ATG12: variants seen among roughly 807,000 people sequenced by gnomAD.
ATG12 encodes the protein autophagy related 12, also known as ubiquitin-like protein ATG12.
ATG12 carries 19 observed loss-of-function variants against 17.6 expected under a neutral mutation model. The observed-to-expected ratio is 1.08, with a 90% CI of 0.75 to 1.58. The LOEUF is 1.58. ATG12 is among the 40% of genes most tolerant of loss of function. The probability of loss-of-function intolerance (pLI) is 0.00; values close to 1 mark genes in which losing one functional copy is unlikely to be tolerated. For synonymous variants in ATG12, 75 were observed against 62.4 expected, an observed-to-expected ratio of 1.20 and a Z score of -0.95; for missense variants, 214 against 162.0, an observed-to-expected ratio of 1.32 and a Z score of -1.74.
chr5:115,839,516 A>G (rs1284715529), intron 1 of ATG12: 1 of 152,248 alleles, frequency 6.6e-6, no homozygotes, highest in Non-Finnish European at 1.5e-5. Flanking sequence ...GAAGCAGGAA[A>G]TATCATGAGT....
chr5:115,839,873 A>G (rs1420345196), intron 1 of ATG12, among the ~76,000 whole-genome samples: 1 of 152,262 alleles, frequency 6.6e-6, no homozygotes, highest in Non-Finnish European at 1.5e-5. Context: ...CTCAAATGCT[A>G]ACAAGAGCCA....
rs544494753 is a variant in ATG12 at position 115,830,153 on chromosome 5, C to T, written c.*1651G>A. 1 of 149,116 alleles carries T rather than the reference C, an allele frequency of 6.7e-6. No individual in the cohort carries two copies. The highest frequency in any genetic ancestry group is 1.5e-5 in the Non-Finnish European group (1 of 67,538). The allele number at this position is 149,116 out of a possible 1,614,324, so 9.2% of individuals were successfully genotyped here. On this transcript the variant is annotated 3_prime_UTR_variant, in exon 4 of 4. Coordinates refer to ENST00000509910, the MANE Select transcript of ATG12 (RefSeq NM_004707.4). ...AAAAAAAAAAAAAAAAGTGCAAAGT[C>T]CTATGTATTCTTCAGAGTTGTTAGG...
chr5:115,836,792 A>C (rs995376011), intron 2 of ATG12, among the ~76,000 whole-genome samples: 34 of 152,230 alleles, frequency 2.2e-4, no homozygotes, highest in Non-Finnish European at 1.9e-4. Flanking sequence ...ATGTATATAT[A>C]AAAAACACTT....
At position 115,841,495 on chromosome 5, in the gene ATG12, C is replaced by T. The variant is rs765666385; in HGVS notation, c.58G>A (p.Glu20Lys). The change falls in exon 1 of 4, where the codon GAA (glutamate) becomes AAA (lysine). Residue 20 changes from glutamate (E) to lysine (K), a missense_variant. Glu to Lys is a moderately conservative substitution (Grantham distance 56). Transcript: ENST00000509910. ...QLPTSIAAGGEGLTDVSPETT... is the reference protein window; with the variant it reads ...QLPTSIAAGGKGLTDVSPETT... ...TCTGGGGAGACATCCGTAAGTCCTT[C>T]CCCTCCAGCAGCAATTGAAGTAGGA... The T allele has an allele frequency of 8.7e-6, 14 of 1,612,010 alleles. No individual in the cohort carries two copies. The highest frequency in any genetic ancestry group is 1.2e-5 in the Non-Finnish European group (14 of 1,179,424).
chr5:115,832,717 G>C (rs957468423), intron 2 of ATG12, 53 bp from the exon 3 acceptor site: 1 of 1,404,720 alleles, frequency 7.1e-7, no homozygotes, highest in Non-Finnish European at 9.4e-7. Flanking sequence ...TGATTAATCT[G>C]CATTTTTCTG....
intron 1 of ATG12, chr5:115,840,672 C>T: frequency 8.2e-7 from 1 of 1,213,688 alleles, no homozygotes; most frequent in Middle Eastern, 2.3e-4. Context: ...ATCGAGGATG[C>T]TTATATGCTG....
rs772092123 is a variant in ATG12, at chr5:115,837,784, T to C, written c.164-20A>G. 4.4e-6 allele frequency: 7 copies of C among 1,577,266 alleles called. No individual in the cohort carries two copies. In the East Asian group the frequency reaches 6.8e-5, roughly 15 times the overall value. The stretch of plus-strand genomic sequence containing the variant: ...TGTCAACTGTAAAAGAAGAATAAAA[T>C]TTACTGACAATTACACTGAAACATC... On this transcript the variant is annotated intron_variant, in intron 1 of 3. Transcript: ENST00000509910.
intron 2 of ATG12, chr5:115,834,442 G>C (rs1338756149): frequency 1.3e-5 from 2 of 152,164 alleles, no homozygotes; most frequent in African/African-American, 4.8e-5. Flanking sequence ...GTTACTCCAG[G>C]TTTGTGAAAG....
At position 115,831,436 on chromosome 5, in the gene ATG12, C is replaced by A. The variant is rs1760865543; in HGVS notation, c.*368G>T. 4.4e-6 allele frequency: 1 copy of A among 227,234 alleles called. No homozygotes were observed. Among genetic ancestry groups the A allele is most frequent in the South Asian group, 7.8e-5 (1 of 12,878 alleles). 14.1% of individuals were successfully genotyped at this position (227,234 alleles called of 1,614,324 possible). A position where few individuals can be genotyped will look rare whatever the true frequency, so the allele number is the denominator to read the frequency against. The stretch of plus-strand genomic sequence containing the variant: ...AATGTAAACATTAAAAAAAAAGGAA[C>A]CCTTTAGTATATTAACTTTTACCAT... On this transcript the variant is annotated 3_prime_UTR_variant, in exon 4 of 4. Coordinates refer to ENST00000509910, the MANE Select transcript of ATG12 (RefSeq NM_004707.4).
Position 115,830,223 on chromosome 5 carries a change from T to C in ATG12, c.*1581A>G, listed in dbSNP as rs868782601. ...AGCTACATATTTAGCTAACCTTAGA[T>C]TTAATAAACTATTAAGTTATTTAGG... On this transcript the variant is annotated 3_prime_UTR_variant, in exon 4 of 4. Transcript: ENST00000509910. 41 of 152,062 alleles carry C rather than the reference T, an allele frequency of 2.7e-4. No homozygotes were observed. The highest frequency in any genetic ancestry group is 9.4e-4 in the African/African-American group (39 of 41,474). The allele number at this position is 152,062 out of a possible 1,614,324, so 9.4% of individuals were successfully genotyped here.
In ATG12 at chr5:115,831,647, C is replaced by A; in HGVS notation, c.*157G>T. The A allele has an allele frequency of 1.4e-6, 1 of 702,418 alleles. No individual in the cohort carries two copies. Among genetic ancestry groups the A allele is most frequent in the Non-Finnish European group, 2.5e-6 (1 of 406,868 alleles). 43.5% of individuals were successfully genotyped at this position (702,418 alleles called of 1,614,324 possible). On this transcript the variant is annotated 3_prime_UTR_variant, in exon 4 of 4. Transcript: ENST00000509910. ...CAAATCACATTTTTCTGAGTCCATTCATGCTATGGATGTTTTCTTATGCAT... is the reference window on the plus strand; with the variant it reads ...CAAATCACATTTTTCTGAGTCCATTAATGCTATGGATGTTTTCTTATGCAT...
At position 115,828,520 on chromosome 5, in the gene ATG12, G is replaced by C. The variant is rs182210498; in HGVS notation, c.*3284C>G. The C allele has an allele frequency of 6.6e-6, 1 of 152,052 alleles. No homozygotes were observed. Among genetic ancestry groups the C allele is most frequent in the Non-Finnish European group, 1.5e-5 (1 of 67,984 alleles). 9.4% of individuals were successfully genotyped at this position (152,052 alleles called of 1,614,324 possible). ...TTGTTGGCCATTTGTATCTTTTTGT[G>C]AATCGAAATTTGGTATGTTTTGCCT... On this transcript the variant is annotated 3_prime_UTR_variant, in exon 4 of 4. Coordinates refer to ENST00000509910, the MANE Select transcript of ATG12 (RefSeq NM_004707.4).
chr5:115,838,336 C>T (rs910494265), intron 1 of ATG12: 1 of 152,104 alleles, frequency 6.6e-6, no homozygotes, highest in African/African-American at 2.4e-5. Context: ...ACCTAAATAC[C>T]CAAAAAGGAT....
intron 2 of ATG12, chr5:115,834,251 T>C (rs1478291610): frequency 1.3e-5 from 2 of 152,196 alleles, no homozygotes; most frequent in Non-Finnish European, 2.9e-5. Context: ...AGGCATTCAA[T>C]GTGATTTTGT....
intron 1 of ATG12, chr5:115,840,966 A>T (rs1305205199): frequency 9.4e-7 from 1 of 1,065,150 alleles, no homozygotes; most frequent in Non-Finnish European, 1.3e-6. Flanking sequence ...AAGCGAGTTA[A>T]GTTGGAAGGC....
At chr5:115,833,999 G>A (rs570278553) in intron 2 of ATG12, 2 of 152,172 alleles carry the variant, frequency 1.3e-5, no homozygotes, top group Non-Finnish European at 2.9e-5. Flanking sequence ...GAGAGGCAGA[G>A]ACACACATGA....
At chr5:115,841,059 C>A in intron 1 of ATG12, 1 of 446,254 alleles carries the variant, frequency 2.2e-6, no homozygotes, top group Non-Finnish European at 4.0e-6. Flanking sequence ...GTGTTAAGTA[C>A]CTGGAATTAC....
Position 115,831,588 on chromosome 5 carries a change from A to C in ATG12, c.*216T>G, listed in dbSNP as rs746796327. 25 of 604,742 alleles carry C rather than the reference A, an allele frequency of 4.1e-5. No homozygotes were observed. Among genetic ancestry groups the C allele is most frequent in the Non-Finnish European group, 7.3e-5 (25 of 342,678 alleles). 37.5% of individuals were successfully genotyped at this position (604,742 alleles called of 1,614,324 possible). On this transcript the variant is annotated 3_prime_UTR_variant, in exon 4 of 4. Transcript: ENST00000509910. ...AAGTAGGAGCAATGGGTGTACTATC[A>C]TGACCATCTTTTATGATGACTGGTG...
Position 115,831,863 on chromosome 5 carries a change from A to G in ATG12, c.364T>C (p.Cys122Arg). The change falls in exon 4 of 4, where the codon TGT becomes CGT. Residue 122 changes from cysteine (C) to arginine (R), a missense_variant and splice_region_variant. Coordinates refer to ENST00000509910, the MANE Select transcript of ATG12 (RefSeq NM_004707.4). ...ACCAGTTTACCATCACTGCCAAAAC[A>G]CTACAAAAAAAAAAGGCAATAAATC... ...PDQEVGTLYECFGSDGKLVLH... is the reference protein window; with the variant it reads ...PDQEVGTLYERFGSDGKLVLH... 1 of 1,605,146 alleles carries G rather than the reference A, an allele frequency of 6.2e-7. No homozygotes were observed. Among genetic ancestry groups the G allele is most frequent in the Non-Finnish European group, 8.5e-7 (1 of 1,177,190 alleles).
Sources: allele counts gnomAD v4.1 joint callset (sites outside exome capture counted in the v4.1 genomes callset), GRCh38; gene constraint gnomAD v4.1.1; transcripts MANE v1.5; gene names NCBI Gene and HGNC (gene_info 2026-07-23, HGNC 2026-07-21).